KLF8: variants seen among roughly 807,000 people sequenced by gnomAD.
KLF8 encodes the protein KLF transcription factor 8.
A neutral mutation model predicts 18.2 loss-of-function variants in KLF8; 10 were observed. The observed-to-expected ratio is 0.55, with a 90% CI of 0.34 to 0.93. The LOEUF (loss-of-function observed/expected upper bound fraction) is 0.93, where lower values mean the gene tolerates loss of function less well. KLF8 is among the 40% of genes least tolerant of loss of function. The pLI, the probability that KLF8 is intolerant of heterozygous loss-of-function variation, is 0.02. For missense variants in KLF8, 264 were observed against 277.9 expected (o/e 0.95, Z 0.36); for synonymous variants, 109 against 97.3 (o/e 1.12, Z -0.71).
At chrX:56,261,904 A>C (rs1434797291) in intron 2 of KLF8, among the ~76,000 whole-genome samples, 1 of 112,071 alleles carries the variant, frequency 8.9e-6, no homozygotes, top group African/African-American at 3.2e-5. Context: ...CTTGAGACCT[A>C]CTTTTGAGAA....
chrX:56,029,602 G>T, the KLF8 span, among the ~76,000 whole-genome samples: 4 of 111,988 alleles, frequency 3.6e-5, no homozygotes, highest in Non-Finnish European at 7.5e-5. Context: ...ATTTGAGCTC[G>T]ATCCCCTTCA....
At chrX:56,281,101 C>G (rs1021305630) in intron 5 of KLF8, among the ~76,000 whole-genome samples, 1 of 112,290 alleles carries the variant, frequency 8.9e-6, no homozygotes. Context: ...ACACCTAGGA[C>G]AGACTGCTCT....
At chrX:56,004,346 C>T in the KLF8 span, among the ~76,000 whole-genome samples, 5 of 111,884 alleles carry the variant, frequency 4.5e-5, no homozygotes, top group Admixed American at 3.8e-4. Context: ...CAGAAGAAAA[C>T]AGATGCCATT....
At chrX:56,160,287 C>T in the KLF8 span, among the ~76,000 whole-genome samples, 1 of 111,811 alleles carries the variant, frequency 8.9e-6, no homozygotes, top group East Asian at 2.8e-4. Context: ...TTTACATTTG[C>T]TAAGGAGACC....
At chrX:56,031,212 C>T in the KLF8 span, among the ~76,000 whole-genome samples, 1 of 111,780 alleles carries the variant, frequency 8.9e-6, no homozygotes, top group Non-Finnish European at 1.9e-5. Context: ...ATCATGCTCA[C>T]ACCACACACT....
chrX:56,248,947 G>A (rs1198252207), intron 1 of KLF8, among the ~76,000 whole-genome samples: 2 of 111,141 alleles, frequency 1.8e-5, no homozygotes, highest in East Asian at 2.8e-4. Context: ...AAAAACCTTC[G>A]AAAATGTGAT....
chrX:56,125,349 C>T, the KLF8 span, among the ~76,000 whole-genome samples: 2 of 111,595 alleles, frequency 1.8e-5, no homozygotes, highest in African/African-American at 6.5e-5. Flanking sequence ...GTCTAGAGTC[C>T]TGGGGAGTGT....
the KLF8 span, among the ~76,000 whole-genome samples, chrX:55,956,656 T>G: frequency 8.9e-6 from 1 of 111,966 alleles, no homozygotes; most frequent in Admixed American, 9.5e-5. Context: ...CTCTGATGAT[T>G]AGTGGTGTTG....
At chrX:55,922,218 A>G in the KLF8 span, among the ~76,000 whole-genome samples, 1 of 112,978 alleles carries the variant, frequency 8.9e-6, no homozygotes, top group Non-Finnish European at 1.9e-5. Context: ...ATCAACCGAA[A>G]TATCCATCAG....
the KLF8 span, among the ~76,000 whole-genome samples, chrX:56,145,666 C>T: frequency 1.8e-5 from 2 of 111,930 alleles, no homozygotes; most frequent in African/African-American, 6.5e-5. Context: ...ATGAATGAAC[C>T]TTAAAAACAT....
the KLF8 span, among the ~76,000 whole-genome samples, chrX:56,146,355 A>G: frequency 8.9e-6 from 1 of 112,340 alleles, no homozygotes; most frequent in Non-Finnish European, 1.9e-5. Context: ...AGTGCAGCAC[A>G]TATACACCAT....
At chrX:56,180,820 T>G in the KLF8 span, among the ~76,000 whole-genome samples, 15 of 112,467 alleles carry the variant, frequency 1.3e-4, 1 homozygote, top group Non-Finnish European at 2.4e-4. Context: ...CACTGTGGTC[T>G]GTGAGATAGT....
the KLF8 span, among the ~76,000 whole-genome samples, chrX:56,122,482 C>T: frequency 5.4e-5 from 6 of 111,839 alleles, no homozygotes; most frequent in African/African-American, 1.6e-4. Flanking sequence ...ATTAATAATA[C>T]TGTTCTGATA....
the KLF8 span, among the ~76,000 whole-genome samples, chrX:56,113,378 AAG>A: frequency 9.2e-6 from 1 of 109,091 alleles, no homozygotes; most frequent in Non-Finnish European, 1.9e-5. Context: ...CTCTGAAAAT[AAG>A]AGTTTTCTCC....
chrX:56,147,106 TA>T, the KLF8 span, among the ~76,000 whole-genome samples: 1 of 111,977 alleles, frequency 8.9e-6, no homozygotes. Flanking sequence ...AGCATCATGT[TA>T]TTAGACACAT....
chrX:56,285,209 T>C lies in KLF8; in HGVS notation c.*715T>C, dbSNP rs1318683471. The C allele has an allele frequency of 1.8e-5, 2 of 111,964 alleles. No individual in the cohort carries two copies. Among genetic ancestry groups the C allele is most frequent in the African/African-American group, 6.5e-5 (2 of 30,768 alleles). The allele number at this position is 111,964 out of a possible 1,213,427, so 9.2% of individuals were successfully genotyped here. ...TTCTTTTCCACTTTCTCCTTCAGGA[T>C]TAAAGATTTTGCTGCACAATTGTTA... On this transcript the variant is annotated 3_prime_UTR_variant, in exon 6 of 6. Transcript: ENST00000468660.
the KLF8 span, among the ~76,000 whole-genome samples, chrX:56,022,498 G>A: frequency 4.3e-5 from 4 of 93,736 alleles, no homozygotes; most frequent in South Asian, 5.3e-4. Context: ...GCGGTGAGCC[G>A]AGATCGCGCC....
the KLF8 span, among the ~76,000 whole-genome samples, chrX:56,146,886 T>A: frequency 1.1e-4 from 12 of 111,734 alleles, no homozygotes; most frequent in Non-Finnish European, 1.9e-4. Flanking sequence ...AATAGAGACA[T>A]AGTCCTAGGG....
At chrX:56,155,610 TAAAATTAA>T in the KLF8 span, among the ~76,000 whole-genome samples, 1 of 111,712 alleles carries the variant, frequency 9.0e-6, no homozygotes, top group African/African-American at 3.2e-5. Context: ...ATAATAAAAA[TAAAATTAA>T]AAAATTAAAA....
Sources: allele counts gnomAD v4.1 joint callset (sites outside exome capture counted in the v4.1 genomes callset), GRCh38; gene constraint gnomAD v4.1.1; transcripts MANE v1.5; gene names NCBI Gene and HGNC (gene_info 2026-07-23, HGNC 2026-07-21).